Variants in PRKN observed in about 807,000 individuals in gnomAD.
The protein encoded by PRKN is parkin RBR E3 ubiquitin protein ligase.
Under a neutral mutation model 59.5 loss-of-function variants are expected in PRKN, and 56 were observed. The observed-to-expected ratio is 0.94, with a 90% CI of 0.76 to 1.18. The LOEUF is 1.18. Among genes scored for constraint, PRKN ranks in the 50% most tolerant of loss-of-function variants. PRKN has a pLI of 0.00. For synonymous variants in PRKN, 250 were observed against 222.1 expected (o/e 1.13, Z -1.12); for missense variants, 657 against 596.4 (o/e 1.10, Z -1.06).
chr6:162,572,532 C>T (rs1326487689), intron 1 of PRKN, among the ~76,000 whole-genome samples: 1 of 152,156 alleles, frequency 6.6e-6, no homozygotes, highest in Non-Finnish European at 1.5e-5. Context: ...TGTAGACAGA[C>T]ATCCTTAAGT....
At chr6:162,086,871 G>A (rs1779267963) in intron 4 of PRKN, among the ~76,000 whole-genome samples, 1 of 152,206 alleles carries the variant, frequency 6.6e-6, no homozygotes, top group South Asian at 2.1e-4. Context: ...CTAGTCTACT[G>A]CCATGCAGGC....
In PRKN at chr6:162,322,866, A is replaced by G. The variant is rs562764205; in HGVS notation, c.172-60101T>C. On this transcript the variant is annotated intron_variant, in intron 2 of 11. Coordinates refer to ENST00000366898, the MANE Select transcript of PRKN (RefSeq NM_004562.3). ...ACTGGATTAAGAAAATGTGACACAT[A>G]TATACCATGGAATACTATGCAGCCA... is the stretch of plus-strand genomic sequence containing the variant. Among the ~76,000 whole-genome samples, 67 of 152,194 alleles carry G rather than the reference A, an allele frequency of 4.4e-4. 3 individuals are homozygous for G. The highest frequency in any genetic ancestry group is 2.7e-3 in the Admixed American group (41 of 15,282).
At position 162,234,481 on chromosome 6, in the gene PRKN, G is replaced by A. The variant is rs563883776; in HGVS notation, c.412+28044C>T. 7.2e-5 allele frequency among the ~76,000 whole-genome samples: 11 copies of A among 152,226 alleles called. No individual in the cohort carries two copies. The South Asian group carries it at 1.7e-3, about 23-fold the overall frequency. The stretch of plus-strand genomic sequence containing the variant: ...AGTTGTCCCTGAGGATCTGAGGAGG[G>A]TTGGTTCCAGGATGCCCATGGATAC... On this transcript the variant is annotated intron_variant, in intron 3 of 11. Transcript: ENST00000366898.
chr6:161,745,510 G>C (rs983004996), intron 7 of PRKN, among the ~76,000 whole-genome samples: 3 of 152,206 alleles, frequency 2.0e-5, no homozygotes, highest in Non-Finnish European at 4.4e-5. Context: ...CCACACCTGC[G>C]ACCAGGGGCA....
Position 162,647,949 on chromosome 6 carries a change from CAAAAAAAAA to C in PRKN, c.7+79704_7+79712del, listed in dbSNP as rs398003250. Among the ~76,000 whole-genome samples the C allele has an allele frequency of 7.9e-5, 6 of 75,652 alleles. 1 individual carries two copies. In the South Asian group the frequency reaches 2.9e-3, roughly 36 times the overall value. The allele number at this position is 75,652 out of a possible 152,430, so 49.6% of individuals were successfully genotyped here. A position where few individuals can be genotyped will look rare whatever the true frequency, so the allele number is the denominator to read the frequency against. On this transcript the variant is annotated intron_variant, in intron 1 of 11. Transcript: ENST00000366898. ...GAACCATCTCTATATGTCCACAGTG[CAAAAAAAAA>C]AAAAAAAAAAAAAAAAAAAGTCTAC...
At chr6:161,672,908 T>C (rs1784960469) in intron 7 of PRKN, among the ~76,000 whole-genome samples, 1 of 152,200 alleles carries the variant, frequency 6.6e-6, no homozygotes, top group Admixed American at 6.5e-5. Context: ...TTGAAATTAT[T>C]ATAAAGTGTT....
intron 7 of PRKN, among the ~76,000 whole-genome samples, chr6:161,651,134 G>C (rs1784136020): frequency 6.6e-6 from 1 of 152,156 alleles, no homozygotes. Flanking sequence ...GAGAGGTTTA[G>C]CTTCAATTAA....
At chr6:161,745,022 G>T (rs1056313377) in intron 7 of PRKN, among the ~76,000 whole-genome samples, 2 of 152,180 alleles carry the variant, frequency 1.3e-5, no homozygotes, top group East Asian at 3.9e-4. Context: ...ATGTGCCTAT[G>T]TTTTCACAGC....
At chr6:162,727,350 C>A in intron 1 of PRKN, 1 of 333,574 alleles carries the variant, frequency 3.0e-6, no homozygotes, top group East Asian at 7.8e-5. Flanking sequence ...GGCTTCGGGA[C>A]CCCACACGGT....
rs530605565 is a variant in PRKN, at chr6:161,975,148, C to T, written c.619-1731G>A. Among the ~76,000 whole-genome samples, 32 of 144,790 alleles carry T rather than the reference C, an allele frequency of 2.2e-4. No individual in the cohort carries two copies. In the South Asian group the frequency reaches 3.5e-3, roughly 16 times the overall value. 95.0% of individuals were successfully genotyped at this position (144,790 alleles called of 152,430 possible). On this transcript the variant is annotated intron_variant, in intron 5 of 11. Transcript: ENST00000366898. ...CCTTCCAGGCTGGAGTGCAGTGGCG[C>T]GATCTCAGCTCACTGCAAACTCTGC...
intron 7 of PRKN, among the ~76,000 whole-genome samples, chr6:161,757,948 T>TAA (rs1789023204): frequency 7.5e-6 from 1 of 133,998 alleles, no homozygotes; most frequent in African/African-American, 2.7e-5. Context: ...TATATGTATA[T>TAA]ATATATACAG....
At chr6:161,893,074 C>G (rs1335886382) in intron 6 of PRKN, among the ~76,000 whole-genome samples, 2 of 152,224 alleles carry the variant, frequency 1.3e-5, no homozygotes, top group Non-Finnish European at 2.9e-5. Flanking sequence ...AACTCCTGAC[C>G]TCGTGATCCA....
intron 9 of PRKN, among the ~76,000 whole-genome samples, chr6:161,474,758 C>T (rs549478975): frequency 6.6e-6 from 1 of 151,324 alleles, no homozygotes; most frequent in South Asian, 2.1e-4. Context: ...TCATGCCTGG[C>T]TAACTTTTTT....
At chr6:162,346,626 C>T (rs572350042) in intron 2 of PRKN, among the ~76,000 whole-genome samples, 10 of 151,780 alleles carry the variant, frequency 6.6e-5, no homozygotes, top group African/African-American at 2.4e-4. Context: ...GCCCCCATAC[C>T]CCCACCCCCA....
At chr6:161,985,414 C>G (rs1371931453) in intron 5 of PRKN, among the ~76,000 whole-genome samples, 2 of 152,056 alleles carry the variant, frequency 1.3e-5, no homozygotes, top group Non-Finnish European at 2.9e-5. Context: ...AATCTCCCAC[C>G]ACCGAGTGTT....
At chr6:162,327,141 G>A (rs897791200) in intron 2 of PRKN, among the ~76,000 whole-genome samples, 3 of 151,958 alleles carry the variant, frequency 2.0e-5, no homozygotes, top group South Asian at 2.1e-4. Context: ...ATATGCTTTC[G>A]TTTTCTTCCT....
In PRKN at chr6:162,009,367, C is replaced by T. The variant is rs139614888; in HGVS notation, c.619-35950G>A. 6.9e-3 allele frequency among the ~76,000 whole-genome samples: 827 copies of T among 119,870 alleles called. 2 individuals are homozygous for T. The highest frequency in any genetic ancestry group is 0.019 in the Admixed American group (209 of 10,900). 78.6% of individuals were successfully genotyped at this position (119,870 alleles called of 152,430 possible). ...AAAATGGAAATCAAAGCAATGAATT[C>T]CCAGAACACTGTACAGAAATTATCA... On this transcript the variant is annotated intron_variant, in intron 5 of 11. Coordinates refer to ENST00000366898, the MANE Select transcript of PRKN (RefSeq NM_004562.3).
intron 1 of PRKN, among the ~76,000 whole-genome samples, chr6:162,444,434 T>C (rs1406575974): frequency 6.6e-6 from 1 of 151,988 alleles, no homozygotes; most frequent in African/African-American, 2.4e-5. Context: ...CAAACCTACA[T>C]TCCAGCATTT....
intron 2 of PRKN, among the ~76,000 whole-genome samples, chr6:162,272,790 G>A (rs1274757708): frequency 6.6e-6 from 1 of 151,936 alleles, no homozygotes; most frequent in South Asian, 2.1e-4. Context: ...CCGAGGTCAG[G>A]GGTTCAAGAC....
Sources: allele counts gnomAD v4.1 joint callset (sites outside exome capture counted in the v4.1 genomes callset), GRCh38; gene constraint gnomAD v4.1.1; transcripts MANE v1.5; gene names NCBI Gene and HGNC (gene_info 2026-07-23, HGNC 2026-07-21).